MAP2K4: variants seen among roughly 807,000 people sequenced by gnomAD.
MAP2K4 encodes the protein mitogen-activated protein kinase kinase 4, also known as dual specificity mitogen-activated protein kinase kinase 4.
Under a neutral mutation model 48.5 loss-of-function variants are expected in MAP2K4, and 4 were observed. That is an observed-to-expected ratio of 0.08 (90% CI 0.04 to 0.19). The LOEUF (loss-of-function observed/expected upper bound fraction) is 0.19. MAP2K4 is among the 10% of genes least tolerant of loss of function. The pLI is 1.00. For synonymous variants in MAP2K4, 166 were observed against 173.1 expected (o/e 0.96, Z 0.32); for missense variants, 258 against 493.3 (o/e 0.52, Z 4.52).
intron 2 of MAP2K4, among the ~76,000 whole-genome samples, chr17:12,061,401 A>G (rs1048421923): frequency 1.3e-4 from 20 of 152,186 alleles, no homozygotes; most frequent in Admixed American, 6.5e-4. Context: ...GTACACTTCC[A>G]TAAGTCAGCA....
Position 12,107,774 on chromosome 17 carries a change from AT to A in MAP2K4, c.514-13del. The A allele has an allele frequency of 6.4e-7, 1 of 1,566,468 alleles. No individual in the cohort carries two copies. The highest frequency in any genetic ancestry group is 2.4e-5 in the East Asian group (1 of 42,186). Reference sequence around the variant, plus strand: ...TTTAAGATGTATAAGAATAACAGATATTTGTTATTTTATAGGGTGACTGTTG... The same window carrying A: ...TTTAAGATGTATAAGAATAACAGATATTGTTATTTTATAGGGTGACTGTTG... On this transcript the variant is annotated splice_polypyrimidine_tract_variant and intron_variant, in intron 4 of 10. Transcript: ENST00000353533.
intron 2 of MAP2K4, among the ~76,000 whole-genome samples, chr17:12,065,403 A>T (rs1311322627): frequency 1.3e-5 from 2 of 150,940 alleles, no homozygotes; most frequent in Non-Finnish European, 2.9e-5. Context: ...GGTTGAAGTG[A>T]TTCTCCTGCC....
intron 1 of MAP2K4, among the ~76,000 whole-genome samples, chr17:12,042,261 A>G (rs1175482597): frequency 6.6e-6 from 1 of 151,038 alleles, no homozygotes; most frequent in Non-Finnish European, 1.5e-5. Context: ...AAACAAAATT[A>G]TGTATATGAC....
rs564576098 is a variant in MAP2K4, at chr17:12,135,752, G to A, written c.1041-4087G>A. Among the ~76,000 whole-genome samples, 11 of 150,792 alleles carry A rather than the reference G, an allele frequency of 7.3e-5. No individual in the cohort carries two copies. The South Asian group carries it at 8.4e-4, about 12-fold the overall frequency. On this transcript the variant is annotated intron_variant, in intron 9 of 10. Coordinates refer to ENST00000353533, the MANE Select transcript of MAP2K4 (RefSeq NM_003010.4). ...TTTAGTACAGACAGGGTTTTGCCAC[G>A]TTGGCCAGGCTAGTCTCGAACTCCT...
chr17:12,034,990 G>A (rs1349967429), intron 1 of MAP2K4, among the ~76,000 whole-genome samples: 1 of 152,188 alleles, frequency 6.6e-6, no homozygotes, highest in Non-Finnish European at 1.5e-5. Context: ...TGGAGACTTG[G>A]TAGAGATGGC....
intron 1 of MAP2K4, among the ~76,000 whole-genome samples, chr17:12,031,738 A>C (rs1969443654): frequency 6.6e-6 from 1 of 152,168 alleles, no homozygotes; most frequent in Admixed American, 6.5e-5. Flanking sequence ...GAAGAATTTC[A>C]GCCCCTCTTC....
intron 1 of MAP2K4, among the ~76,000 whole-genome samples, chr17:12,031,670 A>G (rs1229071369): frequency 2.0e-5 from 3 of 152,178 alleles, no homozygotes; most frequent in East Asian, 3.9e-4. Context: ...TGTAACTTCT[A>G]AAGTACTCAG....
At chr17:12,140,338 G>T (rs28921105) in intron 10 of MAP2K4, among the ~76,000 whole-genome samples, 2 of 152,160 alleles carry the variant, frequency 1.3e-5, no homozygotes, top group Non-Finnish European at 2.9e-5. Flanking sequence ...ACTGGGTATG[G>T]CATTGGTGGG....
At chr17:12,083,100 T>C (rs1013030194) in intron 3 of MAP2K4, among the ~76,000 whole-genome samples, 18 of 152,348 alleles carry the variant, frequency 1.2e-4, no homozygotes, top group Admixed American at 1.2e-3. Context: ...TAAAAAATTA[T>C]TTCCTGCTTT....
intron 1 of MAP2K4, among the ~76,000 whole-genome samples, chr17:12,049,212 G>A (rs1038642082): frequency 1.3e-5 from 2 of 152,216 alleles, no homozygotes; most frequent in Admixed American, 1.3e-4. Context: ...AGCCAAGGAA[G>A]AAATGAGAAT....
chr17:12,043,375 C>T (rs1429228628), intron 1 of MAP2K4, among the ~76,000 whole-genome samples: 4 of 152,246 alleles, frequency 2.6e-5, no homozygotes, highest in South Asian at 4.1e-4. Flanking sequence ...CTGACAGCAA[C>T]CGTGTATCCA....
intron 4 of MAP2K4, among the ~76,000 whole-genome samples, chr17:12,096,048 T>C (rs1451033123): frequency 2.9e-5 from 4 of 138,710 alleles, no homozygotes; most frequent in Admixed American, 7.5e-5. Flanking sequence ...TAGATTTTCA[T>C]TGGGCCTTGA....
chr17:12,062,408 C>T (rs935608546), intron 2 of MAP2K4, among the ~76,000 whole-genome samples: 2 of 152,016 alleles, frequency 1.3e-5, no homozygotes, highest in African/African-American at 4.8e-5. Context: ...TATCATAGCT[C>T]GCTGCAGTCT....
At chr17:12,029,437 A>G (rs935796257) in intron 1 of MAP2K4, among the ~76,000 whole-genome samples, 1 of 152,210 alleles carries the variant, frequency 6.6e-6, no homozygotes, top group Admixed American at 6.5e-5. Context: ...CCTACTTGTA[A>G]TGGGGAAAAT....
chr17:12,066,533 T>C (rs998930528), intron 2 of MAP2K4, among the ~76,000 whole-genome samples: 2 of 152,124 alleles, frequency 1.3e-5, no homozygotes, highest in Non-Finnish European at 2.9e-5. Flanking sequence ...CCTCCTCTTC[T>C]TCTTCTTCTT....
At position 12,125,335 on chromosome 17, in the gene MAP2K4, T is replaced by C; in HGVS notation, c.855T>C (p.Asp285=). Residue 285 remains aspartate (D), a synonymous_variant, in exon 8 of 11, where the codon GAT becomes GAC. Transcript: ENST00000353533. ...CAAGCGCATCACGACAAGGATATGA[T>C]GTCCGCTCTGATGTCTGGAGTTTGG... ...IDPSASRQGY[D]VRSDVWSLGI... 1.2e-6 allele frequency: 2 copies of C among 1,614,140 alleles called. No homozygotes were observed. The highest frequency in any genetic ancestry group is 1.1e-5 in the South Asian group (1 of 91,080).
chr17:12,044,866 C>G (rs1422648079), intron 1 of MAP2K4, among the ~76,000 whole-genome samples: 1 of 152,232 alleles, frequency 6.6e-6, no homozygotes, highest in African/African-American at 2.4e-5. Context: ...ATTTGCTGGT[C>G]TTTCTGGTCA....
chr17:12,037,688 C>A (rs1219464266), intron 1 of MAP2K4, among the ~76,000 whole-genome samples: 2 of 151,906 alleles, frequency 1.3e-5, no homozygotes, highest in African/African-American at 4.8e-5. Context: ...TAGCCGTAAG[C>A]CAGACTAACA....
In MAP2K4 at chr17:12,143,331, G is replaced by T; in HGVS notation, c.*2071G>T. 4.3e-6 allele frequency: 1 copy of T among 232,624 alleles called. No homozygotes were observed. The highest frequency in any genetic ancestry group is 8.5e-6 in the Non-Finnish European group (1 of 117,426). The allele number at this position is 232,624 out of a possible 1,614,324, so 14.4% of individuals were successfully genotyped here. On this transcript the variant is annotated 3_prime_UTR_variant, in exon 11 of 11. Coordinates refer to ENST00000353533, the MANE Select transcript of MAP2K4 (RefSeq NM_003010.4). The stretch of plus-strand genomic sequence containing the variant: ...ATTGTGTGGATGACCACATAAGAAG[G>T]CAATTTTAGTGTATTAATCATAGAT...
Sources: gnomAD v4.1 joint callset for allele counts (sites outside exome capture counted in the v4.1 genomes callset) on GRCh38, gnomAD v4.1.1 for gene constraint, MANE v1.5 for transcripts, NCBI Gene and HGNC (gene_info 2026-07-23, HGNC 2026-07-21) for gene names.